PTPN13: variants seen among roughly 807,000 people sequenced by gnomAD.
The protein encoded by PTPN13 is protein tyrosine phosphatase non-receptor type 13, also known as tyrosine-protein phosphatase non-receptor type 13.
Under a neutral mutation model 284.0 loss-of-function variants are expected in PTPN13, and 191 were observed. The ratio of observed to expected loss-of-function variants is 0.67; its 90% CI spans 0.60 to 0.76. The LOEUF (loss-of-function observed/expected upper bound fraction) is 0.76. PTPN13 is among the 30% of genes least tolerant of loss of function. The probability of loss-of-function intolerance (pLI) is 0.00; values close to 1 mark genes in which losing one functional copy is unlikely to be tolerated. For synonymous variants in PTPN13, 986 were observed against 1,022.3 expected, an observed-to-expected ratio of 0.96 and a Z score of 0.68; for missense variants, 2,797 against 2,939.9, an observed-to-expected ratio of 0.95 and a Z score of 1.12.
intron 33 of PTPN13, 53 bp from the exon 34 acceptor site, chr4:86,775,118 C>T (rs1272487890): frequency 1.5e-6 from 2 of 1,352,662 alleles, no homozygotes; most frequent in Admixed American, 2.9e-5. Context: ...GGCAATTTAG[C>T]TTCTCTTTTC....
intron 43 of PTPN13, 133 bp downstream of exon 43, chr4:86,803,990 T>C: frequency 1.1e-6 from 1 of 907,302 alleles, no homozygotes; most frequent in Non-Finnish European, 1.6e-6. Flanking sequence ...CCTTATCATA[T>C]CTAGCAGAAA....
In PTPN13 at chr4:86,775,153, C is replaced by T. The variant is rs760657722; in HGVS notation, c.5509-18C>T. On this transcript the variant is annotated intron_variant, in intron 33 of 47. Coordinates refer to ENST00000411767, the MANE Select transcript of PTPN13 (RefSeq NM_080683.3). ...CTAAAAATTGTGATCTTCACATGCC[C>T]CTTTCTTGTTTTTGTAGGTTAATGA... 14 of 1,555,960 alleles carry T rather than the reference C, an allele frequency of 9.0e-6. No homozygotes were observed. The South Asian group carries it at 1.6e-4, about 18-fold the overall frequency.
rs1204059135 is a variant in PTPN13 at position 86,658,839 on chromosome 4, TGG to T, written c.116-13524_116-13523del. ...AAAAAAAATTCTACACGTAGATTAA[TGG>T]GATTGGAAATACAGGACACCATAAA... is the stretch of plus-strand genomic sequence containing the variant. On this transcript the variant is annotated intron_variant, in intron 2 of 47. Transcript: ENST00000411767. Among the ~76,000 whole-genome samples the T allele has an allele frequency of 7.2e-5, 11 of 152,186 alleles. No individual in the cohort carries two copies. In the East Asian group the frequency reaches 2.1e-3, roughly 29 times the overall value.
intron 7 of PTPN13, among the ~76,000 whole-genome samples, chr4:86,714,308 CCT>C (rs897030134): frequency 6.6e-6 from 1 of 152,006 alleles, no homozygotes; most frequent in African/African-American, 2.4e-5. Context: ...CTTGGGATTG[CCT>C]CTGTATTTTC....
At chr4:86,683,786 GAAGT>G (rs1206903977) in intron 3 of PTPN13, among the ~76,000 whole-genome samples, 1 of 152,106 alleles carries the variant, frequency 6.6e-6, no homozygotes, top group South Asian at 2.1e-4. Flanking sequence ...GGCATATTGA[GAAGT>G]AAGTATAATA....
At chr4:86,678,031 CTGG>C (rs973081211) in intron 3 of PTPN13, among the ~76,000 whole-genome samples, 11 of 152,248 alleles carry the variant, frequency 7.2e-5, no homozygotes, top group African/African-American at 2.4e-4. Flanking sequence ...ATAAATGATA[CTGG>C]TGTTCCTAGT....
rs143743857 is a variant in PTPN13 at position 86,812,400 on chromosome 4, A to G, written c.7362+1292A>G. On this transcript the variant is annotated intron_variant, in intron 47 of 47. Transcript: ENST00000411767. ...AAAGATCCTTGCTAGAATAACAAAG[A>G]TATTCTTGCAGGATACTGATAAGGA... 4.8e-4 allele frequency among the ~76,000 whole-genome samples: 73 copies of G among 152,182 alleles called. No homozygotes were observed. The East Asian group carries it at 0.013, about 27-fold the overall frequency.
chr4:86,779,991 T>G (rs1247545867), intron 35 of PTPN13, among the ~76,000 whole-genome samples: 1 of 152,208 alleles, frequency 6.6e-6, no homozygotes, highest in Admixed American at 6.5e-5. Context: ...ACCGAGTTAT[T>G]AGATAATGAA....
chr4:86,716,606 T>A lies in PTPN13; in HGVS notation c.1272T>A (p.Ser424=). ...TSSESPSIIS[S]ESDFRQVRRS... is the part of the protein sequence containing the mutation. ...GTGAAAGTCCATCTATTATTTCCTCTGAATCAGATTTCAGACAAGGTAGGA... is the reference window on the plus strand; with the variant it reads ...GTGAAAGTCCATCTATTATTTCCTCAGAATCAGATTTCAGACAAGGTAGGA... The change falls in exon 8 of 48, where the codon TCT becomes TCA. Residue 424 remains serine (S), a synonymous_variant. Transcript: ENST00000411767. 5 of 1,590,120 alleles carry A rather than the reference T, an allele frequency of 3.1e-6. No homozygotes were observed. Among genetic ancestry groups the A allele is most frequent in the Non-Finnish European group, 4.3e-6 (5 of 1,167,142 alleles).
At position 86,772,928 on chromosome 4, in the gene PTPN13, C is replaced by CT; in HGVS notation, c.5321dup (p.Leu1774PhefsTer6). 1 of 1,604,798 alleles carries CT rather than the reference C, an allele frequency of 6.2e-7. No homozygotes were observed. Among genetic ancestry groups the CT allele is most frequent in the Non-Finnish European group, 8.5e-7 (1 of 1,175,822 alleles). On this transcript the variant is annotated frameshift_variant, in exon 32 of 48. Coordinates refer to ENST00000411767, the MANE Select transcript of PTPN13 (RefSeq NM_080683.3). LOFTEE classifies it high-confidence loss of function. ...AAAACTGGACACCTTTGAAAAATGA[C>CT]TTGGAAAATCACCTTGAAGACTTTG... is the stretch of plus-strand genomic sequence containing the variant.
intron 35 of PTPN13, among the ~76,000 whole-genome samples, chr4:86,778,932 A>G (rs922474975): frequency 2.4e-5 from 3 of 124,606 alleles, no homozygotes; most frequent in Admixed American, 8.0e-5. Context: ...AATGAGTTGG[A>G]AAAAAAAAAG....
chr4:86,769,788 A>T lies in PTPN13; in HGVS notation c.4509A>T (p.Lys1503Asn), dbSNP rs1409255357. The T allele has an allele frequency of 6.3e-7, 1 of 1,596,924 alleles. No homozygotes were observed. Among genetic ancestry groups the T allele is most frequent in the East Asian group, 2.2e-5 (1 of 44,784 alleles). ...CTCCAGAAAATACATTTGAGGTAAA[A>T]TTATTTAAAAATAGCTCAGGTCTAG... is the stretch of plus-strand genomic sequence containing the variant. ...FVTEENTFEV[K>N]LFKNSSGLGF... The change falls in exon 29 of 48, where the codon AAA (lysine) becomes AAT (asparagine). Residue 1503 changes from lysine (K) to asparagine (N), a missense_variant. Transcript: ENST00000411767.
intron 2 of PTPN13, among the ~76,000 whole-genome samples, chr4:86,654,819 A>C (rs992671876): frequency 5.9e-5 from 9 of 152,152 alleles, no homozygotes; most frequent in South Asian, 2.1e-4. Flanking sequence ...TCTCATTGAT[A>C]TGTCTAATGT....
intron 2 of PTPN13, among the ~76,000 whole-genome samples, chr4:86,654,647 T>A (rs567207149): frequency 2.6e-5 from 4 of 152,098 alleles, no homozygotes; most frequent in Non-Finnish European, 5.9e-5. Context: ...TGCTGAGGAG[T>A]GCTTTACTTC....
intron 2 of PTPN13, among the ~76,000 whole-genome samples, chr4:86,659,587 G>A (rs1014895790): frequency 1.3e-5 from 2 of 152,108 alleles, no homozygotes; most frequent in African/African-American, 4.8e-5. Context: ...AGGCCAAGGT[G>A]GACGGATCAC....
intron 1 of PTPN13, among the ~76,000 whole-genome samples, chr4:86,619,838 T>A (rs1312578051): frequency 6.6e-6 from 1 of 151,916 alleles, no homozygotes; most frequent in Non-Finnish European, 1.5e-5. Flanking sequence ...CTAGTTTGTT[T>A]GTTTGACTTG....
chr4:86,744,426 T>A (rs1204975579), intron 16 of PTPN13, among the ~76,000 whole-genome samples: 5 of 152,196 alleles, frequency 3.3e-5, no homozygotes, highest in Non-Finnish European at 1.5e-5. Context: ...AAGGAATCTG[T>A]TTCCCTTGTT....
chr4:86,709,070 T>C (rs1476794436), intron 7 of PTPN13, among the ~76,000 whole-genome samples: 9 of 149,830 alleles, frequency 6.0e-5, no homozygotes, highest in Non-Finnish European at 8.9e-5. Flanking sequence ...CACACACACA[T>C]ACACACACAC....
intron 7 of PTPN13, 143 bp downstream of exon 7, chr4:86,701,944 C>G: frequency 2.6e-6 from 2 of 761,894 alleles, no homozygotes; most frequent in Non-Finnish European, 4.0e-6. Context: ...ACTTCTCTGT[C>G]AATTTCTGTT....
Sources: gnomAD v4.1 joint callset for allele counts (sites outside exome capture counted in the v4.1 genomes callset) on GRCh38, gnomAD v4.1.1 for gene constraint, MANE v1.5 for transcripts, NCBI Gene and HGNC (gene_info 2026-07-23, HGNC 2026-07-21) for gene names.